The following GRM8 variants were observed in gnomAD, a reference collection of about 807,000 sequenced individuals.
The protein encoded by GRM8 is glutamate metabotropic receptor 8, also known as metabotropic glutamate receptor 8.
In GRM8, 47 loss-of-function variants were observed where a neutral mutation model predicts 87.2. The observed-to-expected ratio is 0.54, with a 90% CI of 0.43 to 0.69. GRM8 has a LOEUF of 0.69. Among genes scored for constraint, GRM8 ranks in the 30% least tolerant of loss-of-function variants. GRM8 has a pLI of 0.00. For missense variants in GRM8, 1,019 were observed against 1,139.2 expected, an observed-to-expected ratio of 0.89 and a Z score of 1.52; for synonymous variants, 396 against 404.5, an observed-to-expected ratio of 0.98 and a Z score of 0.25.
chr7:127,244,259 G>A (rs1798466623), intron 1 of GRM8, among the ~76,000 whole-genome samples: 3 of 152,216 alleles, frequency 2.0e-5, no homozygotes, highest in East Asian at 1.9e-4. Flanking sequence ...AGTTCTGAGG[G>A]AAACATGCCT....
chr7:126,638,947 A>C (rs964895715), intron 7 of GRM8, among the ~76,000 whole-genome samples: 6 of 152,002 alleles, frequency 3.9e-5, no homozygotes, highest in African/African-American at 1.5e-4. Flanking sequence ...CTTCAACCTC[A>C]CTGCATTTTC....
At chr7:126,472,468 G>T (rs1805388893) in intron 9 of GRM8, among the ~76,000 whole-genome samples, 1 of 152,248 alleles carries the variant, frequency 6.6e-6, no homozygotes, top group African/African-American at 2.4e-5. Flanking sequence ...TTCAAGATGT[G>T]ACTTGGGTGC....
At chr7:127,041,235 G>C (rs1157002495) in intron 3 of GRM8, among the ~76,000 whole-genome samples, 1 of 152,212 alleles carries the variant, frequency 6.6e-6, no homozygotes, top group Non-Finnish European at 1.5e-5. Flanking sequence ...CAGTGGACTG[G>C]GATCAGCAGG....
intron 3 of GRM8, among the ~76,000 whole-genome samples, chr7:127,099,421 A>G (rs1427533386): frequency 2.6e-5 from 4 of 152,224 alleles, no homozygotes; most frequent in African/African-American, 9.6e-5. Context: ...TTGGAATTAC[A>G]AAGTGGGGCA....
intron 3 of GRM8, among the ~76,000 whole-genome samples, chr7:127,069,133 C>T (rs1821430753): frequency 6.6e-6 from 1 of 152,130 alleles, no homozygotes; most frequent in African/African-American, 2.4e-5. Context: ...AGCCAGTACA[C>T]ATTGTTGTCT....
chr7:127,046,355 G>A (rs1313304428), intron 3 of GRM8, among the ~76,000 whole-genome samples: 2 of 151,694 alleles, frequency 1.3e-5, no homozygotes, highest in Admixed American at 1.3e-4. Flanking sequence ...CTGGGCAACA[G>A]AGCGAGACTC....
At chr7:127,220,224 C>T (rs943574171) in intron 2 of GRM8, among the ~76,000 whole-genome samples, 1 of 152,138 alleles carries the variant, frequency 6.6e-6, no homozygotes, top group Admixed American at 6.5e-5. Context: ...TCACTAGCCC[C>T]CAGAGCTGTC....
At chr7:126,806,436 A>G (rs774734750) in intron 6 of GRM8, among the ~76,000 whole-genome samples, 1 of 152,246 alleles carries the variant, frequency 6.6e-6, no homozygotes, top group African/African-American at 2.4e-5. Context: ...AAAGTCCAGA[A>G]GAGGACCCGA....
intron 8 of GRM8, among the ~76,000 whole-genome samples, chr7:126,556,814 G>A (rs760422546): frequency 6.6e-6 from 1 of 152,014 alleles, no homozygotes; most frequent in African/African-American, 2.4e-5. Context: ...AATGCATTTT[G>A]CCTCTAAAGA....
chr7:126,639,828 T>C (rs1320036053), intron 7 of GRM8, among the ~76,000 whole-genome samples: 1 of 152,210 alleles, frequency 6.6e-6, no homozygotes. Flanking sequence ...GAAGCTGTGG[T>C]GTGAATGAGA....
chr7:127,104,284 CACT>C (rs1439170672), intron 3 of GRM8, among the ~76,000 whole-genome samples: 2 of 151,988 alleles, frequency 1.3e-5, no homozygotes, highest in Non-Finnish European at 2.9e-5. Context: ...TTTAAAAACA[CACT>C]ACTAACATGG....
intron 7 of GRM8, among the ~76,000 whole-genome samples, chr7:126,723,315 T>A (rs1056729190): frequency 6.6e-6 from 1 of 152,076 alleles, no homozygotes; most frequent in Non-Finnish European, 1.5e-5. Flanking sequence ...TTAGAAATTA[T>A]GTCAATTAAG....
chr7:126,465,885 C>CT (rs985806218), intron 9 of GRM8, among the ~76,000 whole-genome samples: 1 of 151,766 alleles, frequency 6.6e-6, no homozygotes, highest in Non-Finnish European at 1.5e-5. Flanking sequence ...GGCATCTTTG[C>CT]TTTTTTCCCA....
chr7:126,471,565 C>A (rs928146327), intron 9 of GRM8, among the ~76,000 whole-genome samples: 15 of 151,882 alleles, frequency 9.9e-5, no homozygotes, highest in Non-Finnish European at 1.8e-4. Context: ...TGTTTTGGTA[C>A]CAGTACCATG....
intron 3 of GRM8, among the ~76,000 whole-genome samples, chr7:127,051,739 CAAAAAAAAA>C (rs59713382): frequency 8.6e-5 from 5 of 58,462 alleles, no homozygotes; most frequent in Non-Finnish European, 1.3e-4. Context: ...TAATGTTGAG[CAAAAAAAAA>C]AAAAAAAAAA....
At chr7:126,789,651 A>G (rs1209351741) in intron 6 of GRM8, among the ~76,000 whole-genome samples, 7 of 152,236 alleles carry the variant, frequency 4.6e-5, no homozygotes, top group African/African-American at 1.7e-4. Context: ...CCAGTGACAA[A>G]TAACAAGCCT....
At chr7:126,735,264 T>C (rs901318673) in intron 7 of GRM8, among the ~76,000 whole-genome samples, 2 of 152,000 alleles carry the variant, frequency 1.3e-5, no homozygotes, top group Admixed American at 6.6e-5. Context: ...CAGAGGAATA[T>C]TCCAAAAGAA....
intron 7 of GRM8, among the ~76,000 whole-genome samples, chr7:126,616,242 C>T (rs1236820194): frequency 6.6e-6 from 1 of 152,214 alleles, no homozygotes; most frequent in African/African-American, 2.4e-5. Context: ...TGCTCAACTA[C>T]ATGGAAACTG....
At chr7:126,833,663 C>T (rs1289868924) in intron 6 of GRM8, among the ~76,000 whole-genome samples, 2 of 152,154 alleles carry the variant, frequency 1.3e-5, no homozygotes, top group African/African-American at 2.4e-5. Flanking sequence ...TGGAGCCCCA[C>T]CTTCATGACT....
Sources: gnomAD v4.1 joint callset for allele counts (sites outside exome capture counted in the v4.1 genomes callset) on GRCh38, gnomAD v4.1.1 for gene constraint, MANE v1.5 for transcripts, NCBI Gene and HGNC (gene_info 2026-07-23, HGNC 2026-07-21) for gene names.